DMD: variants seen among roughly 807,000 people sequenced by gnomAD.
DMD encodes dystrophin, also known as mutant dystrophin.
In DMD, 63 loss-of-function variants were observed where a neutral mutation model predicts 330.1. That is an observed-to-expected ratio of 0.19 (90% CI 0.16 to 0.24). The LOEUF is 0.24. Ranked by LOEUF, DMD falls within the 10% of genes least tolerant of loss-of-function variation. The pLI is 1.00. For synonymous variants in DMD, 1,223 were observed against 959.8 expected (o/e 1.27, Z -5.07); for missense variants, 3,344 against 2,684.1 (o/e 1.25, Z -5.43).
intron 7 of DMD, among the ~76,000 whole-genome samples, chrX:32,721,606 C>T (rs1411019333): frequency 1.8e-5 from 2 of 110,362 alleles, no homozygotes; most frequent in African/African-American, 3.3e-5. Context: ...GATATTAAAC[C>T]CTTATCAGAT....
intron 15 of DMD, among the ~76,000 whole-genome samples, chrX:32,570,695 GT>G (rs1171453543): frequency 9.0e-6 from 1 of 111,397 alleles, no homozygotes; most frequent in African/African-American, 3.3e-5. Context: ...CAGATCCTGT[GT>G]TTTTTCTTGA....
chrX:31,783,959 C>A (rs772470159), intron 50 of DMD, among the ~76,000 whole-genome samples: 1 of 111,930 alleles, frequency 8.9e-6, no homozygotes, highest in Non-Finnish European at 1.9e-5. Flanking sequence ...GCATTGGTTC[C>A]TCATCATACC....
intron 76 of DMD, among the ~76,000 whole-genome samples, chrX:31,136,390 C>G (rs1395577677): frequency 1.8e-5 from 2 of 111,894 alleles, no homozygotes; most frequent in African/African-American, 6.5e-5. Flanking sequence ...CTACCATTAT[C>G]TGGTGAAGAT....
chrX:31,394,042 G>A (rs2060805027), intron 60 of DMD, among the ~76,000 whole-genome samples: 1 of 112,277 alleles, frequency 8.9e-6, no homozygotes, highest in Middle Eastern at 4.2e-3. Context: ...GCCAGAACCT[G>A]AGCTCTGTTT....
intron 54 of DMD, among the ~76,000 whole-genome samples, chrX:31,632,060 T>C (rs951656014): frequency 9.0e-6 from 1 of 111,635 alleles, no homozygotes; most frequent in Non-Finnish European, 1.9e-5. Flanking sequence ...ATTTTCTTTT[T>C]AAGACCTGAT....
chrX:32,180,538 TGAA>T (rs2096923732), intron 44 of DMD, among the ~76,000 whole-genome samples: 1 of 111,764 alleles, frequency 8.9e-6, no homozygotes, highest in East Asian at 2.8e-4. Flanking sequence ...GGGACCTTCC[TGAA>T]GAAGGAGCTC....
intron 7 of DMD, among the ~76,000 whole-genome samples, chrX:32,779,473 A>C (rs1334355887): frequency 1.8e-5 from 2 of 110,518 alleles, no homozygotes. Context: ...TAGCATTTAG[A>C]CATTTTTAAA....
intron 45 of DMD, among the ~76,000 whole-genome samples, chrX:31,955,020 A>G (rs1340976275): frequency 2.8e-5 from 3 of 106,695 alleles, no homozygotes; most frequent in Admixed American, 1.0e-4. Flanking sequence ...AAAAAAAAAA[A>G]AAAGAAATAG....
At chrX:31,180,654 T>C (rs2041063766) in intron 68 of DMD, among the ~76,000 whole-genome samples, 173 bp from the exon 69 acceptor site, 1 of 111,713 alleles carries the variant, frequency 9.0e-6, no homozygotes, top group African/African-American at 3.3e-5. Context: ...GTGCCTCTCC[T>C]ACAGTACCAA....
At chrX:31,900,556 G>T (rs751741843) in intron 47 of DMD, among the ~76,000 whole-genome samples, 1 of 111,219 alleles carries the variant, frequency 9.0e-6, no homozygotes, top group Non-Finnish European at 1.9e-5. Flanking sequence ...GCCCAGTCTC[G>T]GGTATGTCTT....
At chrX:32,390,304 T>C (rs2097992539) in intron 30 of DMD, 123 bp from the exon 31 acceptor site, 8 of 553,354 alleles carry the variant, frequency 1.4e-5, no homozygotes, top group East Asian at 3.7e-5. Context: ...AAAATGACCG[T>C]AAATTGGCCA....
At chrX:31,837,325 G>A (rs1036533006) in intron 48 of DMD, among the ~76,000 whole-genome samples, 5 of 111,435 alleles carry the variant, frequency 4.5e-5, no homozygotes, top group African/African-American at 1.6e-4. Context: ...CAGTATCAAA[G>A]CTTATTATTT....
intron 1 of DMD, among the ~76,000 whole-genome samples, chrX:33,131,659 G>A (rs756267880): frequency 1.7e-4 from 19 of 111,826 alleles, no homozygotes; most frequent in Middle Eastern, 4.6e-3. Flanking sequence ...GTAGGAGCTT[G>A]TTTTCATGCA....
At chrX:32,375,893 T>C (rs1314867306) in intron 34 of DMD, among the ~76,000 whole-genome samples, 2 of 111,910 alleles carry the variant, frequency 1.8e-5, no homozygotes, top group African/African-American at 6.5e-5. Context: ...CCCTTCCTTT[T>C]TAAAGGGCAC....
chrX:32,651,887 G>C (rs1421413922), intron 9 of DMD, among the ~76,000 whole-genome samples: 3 of 112,065 alleles, frequency 2.7e-5, no homozygotes, highest in Non-Finnish European at 5.6e-5. Context: ...CTAAAAGAAG[G>C]CATGTGTCAA....
At chrX:31,207,289 C>T (rs889572588) in intron 65 of DMD, among the ~76,000 whole-genome samples, 3 of 111,660 alleles carry the variant, frequency 2.7e-5, no homozygotes, top group Non-Finnish European at 3.8e-5. Context: ...TTATAAATAA[C>T]CTGTTGCTAT....
At chrX:32,815,520 TACACACACACACAC>T (rs1557051739) in intron 6 of DMD, among the ~76,000 whole-genome samples, 5 of 78,913 alleles carry the variant, frequency 6.3e-5, no homozygotes, top group African/African-American at 2.7e-4. Flanking sequence ...TATATATATA[TACACACACACACAC>T]ACATATATAT....
At chrX:31,699,925 C>T (rs1454033472) in intron 52 of DMD, among the ~76,000 whole-genome samples, 1 of 111,420 alleles carries the variant, frequency 9.0e-6, no homozygotes. Flanking sequence ...CGGTGGCTCA[C>T]ACCTGTAATC....
intron 16 of DMD, 23 bp from the exon 17 acceptor site, chrX:32,545,357 G>T: frequency 3.3e-6 from 4 of 1,199,976 alleles, no homozygotes; most frequent in Non-Finnish European, 1.1e-6. Flanking sequence ...TTGAAACAGA[G>T]GTCAGACATT....
Sources: allele counts gnomAD v4.1 joint callset (sites outside exome capture counted in the v4.1 genomes callset), GRCh38; gene constraint gnomAD v4.1.1; transcripts MANE v1.5; gene names NCBI Gene and HGNC (gene_info 2026-07-23, HGNC 2026-07-21).